The following FCN2 variants were observed in gnomAD, a reference collection of about 807,000 sequenced individuals.
FCN2 encodes ficolin-2.
Under a neutral mutation model 32.5 loss-of-function variants are expected in FCN2, and 31 were observed. The observed-to-expected ratio is 0.96, with a 90% CI of 0.72 to 1.29. The LOEUF (loss-of-function observed/expected upper bound fraction) is 1.29. Among genes scored for constraint, FCN2 ranks in the 50% most tolerant of loss-of-function variants. The pLI is 0.00. For synonymous variants in FCN2, 181 were observed against 164.5 expected (o/e 1.10, Z -0.77); for missense variants, 412 against 406.5 (o/e 1.01, Z -0.12).
Position 134,886,433 on chromosome 9 carries a change from C to T in FCN2, c.563C>T (p.Thr188Ile). Residue 188 changes from threonine (T) to isoleucine (I), a missense_variant, in exon 7 of 8, where the codon ACC (threonine) becomes ATC (isoleucine). Thr to Ile is a moderately conservative substitution (Grantham distance 89). Transcript: ENST00000291744. Reference protein sequence around the residue: ...DNIHALTAQGTSELRVDLVDF... With the variant: ...DNIHALTAQGISELRVDLVDF... ...CCCTGAAACCTTTCTCTAACAGGAA[C>T]CAGCGAGCTCCGTGTAGACCTGGTG... 1 of 1,614,194 alleles carries T rather than the reference C, an allele frequency of 6.2e-7. No individual in the cohort carries two copies. Among genetic ancestry groups the T allele is most frequent in the Non-Finnish European group, 8.5e-7 (1 of 1,180,024 alleles).
At chr9:134,865,448 G>A in the FCN2 span, among the ~76,000 whole-genome samples, 53 of 152,344 alleles carry the variant, frequency 3.5e-4, no homozygotes, top group Non-Finnish European at 6.2e-4. Flanking sequence ...AGTGGGGCTA[G>A]GAAGAAAACA....
At chr9:134,881,048 C>T (rs1830656468) in intron 1 of FCN2, 127 bp downstream of exon 1, 1 of 731,014 alleles carries the variant, frequency 1.4e-6, no homozygotes, top group East Asian at 2.7e-5. Context: ...AACGAGACAG[C>T]AGCTCTGCAT....
At chr9:134,867,590 T>G in the FCN2 span, among the ~76,000 whole-genome samples, 1 of 149,994 alleles carries the variant, frequency 6.7e-6, no homozygotes, top group Non-Finnish European at 1.5e-5. Context: ...TGTATACATA[T>G]GTAACTAACC....
At chr9:134,873,785 A>G in the FCN2 span, among the ~76,000 whole-genome samples, 1 of 152,268 alleles carries the variant, frequency 6.6e-6, no homozygotes, top group Non-Finnish European at 1.5e-5. Context: ...TCAATTTGTA[A>G]TAAAACAGAG....
upstream of FCN2, among the ~76,000 whole-genome samples, chr9:134,878,590 C>A (rs2132992342): frequency 6.6e-6 from 1 of 152,320 alleles, no homozygotes; most frequent in South Asian, 2.1e-4. Flanking sequence ...CACCTGTAAT[C>A]CCAACACTTA....
chr9:134,886,393 G>C (rs79892543), intron 6 of FCN2, 37 bp from the exon 7 acceptor site: 1 of 1,613,596 alleles, frequency 6.2e-7, no homozygotes, highest in Admixed American at 1.7e-5. Context: ...AAGGTAGAGA[G>C]CCCTTCCGCT....
the FCN2 span, among the ~76,000 whole-genome samples, chr9:134,869,158 T>C: frequency 6.6e-6 from 1 of 152,340 alleles, no homozygotes; most frequent in African/African-American, 2.4e-5. Context: ...TGCCGGGGCT[T>C]CCTGCCACCT....
Position 134,886,505 on chromosome 9 carries a change from T to G in FCN2, c.635T>G (p.Val212Gly). 1 of 1,614,116 alleles carries G rather than the reference T, an allele frequency of 6.2e-7. No individual in the cohort carries two copies. Among genetic ancestry groups the G allele is most frequent in the African/African-American group, 1.3e-5 (1 of 75,020 alleles). ...YQFAKYRSFK[V>G]ADEAEKYNLV... ...TTTGCTAAGTACAGATCATTCAAGG[T>G]GGCCGACGAGGCGGAGAAGTACAAT... The change falls in exon 7 of 8, where the codon GTG becomes GGG. Residue 212 changes from valine to glycine, a missense_variant. Physicochemically the swap from Val to Gly is moderately radical, Grantham distance 109. Transcript: ENST00000291744.
chr9:134,879,920 C>A (rs3811143), upstream of FCN2, among the ~76,000 whole-genome samples: 1,311 of 152,168 alleles, frequency 8.6e-3, 59 homozygotes, highest in East Asian at 0.15. Context: ...GCCTCTGGGG[C>A]CCCACCTGCT....
At position 134,884,785 on chromosome 9, in the gene FCN2, C is replaced by G; in HGVS notation, c.301+13C>G. On this transcript the variant is annotated intron_variant, in intron 4 of 7. Transcript: ENST00000291744. The stretch of plus-strand genomic sequence containing the variant: ...CCGTGCCTGACAGGTGACTGACCAC[C>G]CCCACACTCCTCCCACGGCTTGTGG... 1.2e-6 allele frequency: 2 copies of G among 1,613,386 alleles called. No individual in the cohort carries two copies. Among genetic ancestry groups the G allele is most frequent in the Non-Finnish European group, 1.7e-6 (2 of 1,179,448 alleles).
chr9:134,869,952 C>A, the FCN2 span, among the ~76,000 whole-genome samples: 1 of 152,058 alleles, frequency 6.6e-6, no homozygotes, highest in Admixed American at 6.5e-5. Flanking sequence ...GGGGGGCCCA[C>A]AAATTCCTGT....
chr9:134,870,076 G>C, the FCN2 span, among the ~76,000 whole-genome samples: 2 of 152,216 alleles, frequency 1.3e-5, no homozygotes, highest in African/African-American at 4.8e-5. This position sits in a 1 kb window ranked among gnomAD's most constrained non-coding sequence, Gnocchi z 4.3. Context: ...CAGCCCCTGG[G>C]CTAGGCAGGG....
chr9:134,883,871 TG>T (rs1219180950), intron 3 of FCN2, among the ~76,000 whole-genome samples: 3 of 23,496 alleles, frequency 1.3e-4, no homozygotes, highest in Admixed American at 1.2e-3. Context: ...GCTGTCTGTA[TG>T]GGGGGGTTCT....
intron 2 of FCN2, 63 bp from the exon 3 acceptor site, chr9:134,883,239 G>C: frequency 4.4e-6 from 6 of 1,355,770 alleles, no homozygotes; most frequent in Non-Finnish European, 6.3e-6. Flanking sequence ...GCCAGCTCCA[G>C]GGTGGGCCCT....
In FCN2 at chr9:134,887,413, T is replaced by A; in HGVS notation, c.940T>A (p.Ter314LysextTer13). ...KVSEMKVRPA* is the reference protein window; with the variant it reads ...KVSEMKVRPAK ...GTCAGAGATGAAGGTGCGACCTGCCTAGCCCAGGCCGGCCTCAGGGTCAGG... is the reference window on the plus strand; with the variant it reads ...GTCAGAGATGAAGGTGCGACCTGCCAAGCCCAGGCCGGCCTCAGGGTCAGG... Residue 314 changes from the stop codon to lysine (K), a stop_lost, in exon 8 of 8, where the codon TAG becomes AAG. Coordinates refer to ENST00000291744, the MANE Select transcript of FCN2 (RefSeq NM_004108.3). 6.2e-7 allele frequency: 1 copy of A among 1,614,044 alleles called. No homozygotes were observed. The highest frequency in any genetic ancestry group is 8.5e-7 in the Non-Finnish European group (1 of 1,179,974).
chr9:134,882,628 A>G lies in FCN2; in HGVS notation c.203A>G (p.Asn68Ser), dbSNP rs757814877. The G allele has an allele frequency of 5.6e-6, 9 of 1,611,184 alleles. No homozygotes were observed. The highest frequency in any genetic ancestry group is 2.7e-5 in the African/African-American group (2 of 74,852). Residue 68 changes from asparagine to serine, a missense_variant, in exon 2 of 8, where the codon AAT (asparagine) becomes AGT (serine). Physicochemically the swap from Asn to Ser is conservative, Grantham distance 46 (BLOSUM62 1). Transcript: ENST00000291744. ...GGGCCCAAGGGAGAGGCAGGCACCA[A>G]TGGAAAGAGAGGTAGGTGCAGGCAT... ...APGPKGEAGTNGKRGERGPPG... is the reference protein window; with the variant it reads ...APGPKGEAGTSGKRGERGPPG...
At chr9:134,867,700 G>T in the FCN2 span, among the ~76,000 whole-genome samples, 1 of 149,676 alleles carries the variant, frequency 6.7e-6, no homozygotes, top group Non-Finnish European at 1.5e-5. Context: ...ACCTTGGTTT[G>T]GCTGCAGCTG....
upstream of FCN2, among the ~76,000 whole-genome samples, chr9:134,878,938 A>G (rs1355880884): frequency 1.3e-5 from 2 of 152,236 alleles, no homozygotes; most frequent in East Asian, 1.9e-4. Flanking sequence ...AACCACCTAT[A>G]AGGAGCCTGT....
rs576726292 is a variant in FCN2 at position 134,881,344 on chromosome 9, G to T, written c.100+423G>T. Among the ~76,000 whole-genome samples the T allele has an allele frequency of 1.6e-3, 241 of 152,316 alleles. 1 individual carries two copies. The highest frequency in any genetic ancestry group is 1.4e-3 in the Non-Finnish European group (94 of 68,024). On this transcript the variant is annotated intron_variant, in intron 1 of 7. Transcript: ENST00000291744. Reference sequence around the variant, plus strand: ...AGCACCCGGAAAGACAGGGTGTCAGGCGGGGATGAGCACTGCAGGACCTTT... The same window carrying T: ...AGCACCCGGAAAGACAGGGTGTCAGTCGGGGATGAGCACTGCAGGACCTTT...
Sources: gnomAD v4.1 joint callset for allele counts (sites outside exome capture counted in the v4.1 genomes callset) on GRCh38, gnomAD v4.1.1 for gene constraint, Gnocchi (gnomAD v3.1) non-coding constraint, MANE v1.5 for transcripts, NCBI Gene and HGNC (gene_info 2026-07-23, HGNC 2026-07-21) for gene names.